Variants in MBNL2 observed in about 807,000 individuals in gnomAD.
The protein encoded by MBNL2 is muscleblind-like protein 2.
Under a neutral mutation model 41.9 loss-of-function variants are expected in MBNL2, and 17 were observed. The ratio of observed to expected loss-of-function variants is 0.41; its 90% CI spans 0.28 to 0.61. The LOEUF is 0.61. Among genes scored for constraint, MBNL2 ranks in the 20% least tolerant of loss-of-function variants. MBNL2 has a pLI of 0.35. For synonymous variants in MBNL2, 195 were observed against 182.9 expected (o/e 1.07, Z -0.53); for missense variants, 336 against 505.6 (o/e 0.66, Z 3.22).
At position 97,331,173 on chromosome 13, in the gene MBNL2, T is replaced by C. The variant is rs370160619; in HGVS notation, c.175-3103T>C. Among the ~76,000 whole-genome samples, 5 of 152,376 alleles carry C rather than the reference T, an allele frequency of 3.3e-5. No homozygotes were observed. The East Asian group carries it at 9.6e-4, about 29-fold the overall frequency. ...ATAGAAACATTTATCTTTCTTTTGATAATAACATTTACTCAGTGCTTACTA... is the reference window on the plus strand; with the variant it reads ...ATAGAAACATTTATCTTTCTTTTGACAATAACATTTACTCAGTGCTTACTA... On this transcript the variant is annotated intron_variant, in intron 2 of 8. Coordinates refer to ENST00000679496, the MANE Select transcript of MBNL2 (RefSeq NM_001382683.1).
intron 2 of MBNL2, among the ~76,000 whole-genome samples, chr13:97,303,123 C>A (rs1308072440): frequency 6.6e-6 from 1 of 152,260 alleles, no homozygotes; most frequent in South Asian, 2.1e-4. Context: ...GGAGGAATCA[C>A]GAAACCTTTC....
At chr13:97,178,482 AT>A in the MBNL2 span, among the ~76,000 whole-genome samples, 1 of 152,248 alleles carries the variant, frequency 6.6e-6, no homozygotes, top group African/African-American at 2.4e-5. Context: ...TTATACAACC[AT>A]TTTGGGAAAA....
chr13:97,387,899 C>T (rs763271988), intron 8 of MBNL2, among the ~76,000 whole-genome samples: 1 of 152,064 alleles, frequency 6.6e-6, no homozygotes, highest in Non-Finnish European at 1.5e-5. Context: ...TGGCAGGAGA[C>T]CCCCAATGTG....
chr13:97,349,728 G>A (rs1283865832), intron 5 of MBNL2, among the ~76,000 whole-genome samples: 1 of 152,054 alleles, frequency 6.6e-6, no homozygotes, highest in Non-Finnish European at 1.5e-5. Flanking sequence ...ACTCAGGAAC[G>A]CCTGGGTTCA....
intron 2 of MBNL2, among the ~76,000 whole-genome samples, chr13:97,322,243 CA>C (rs2059564316): frequency 6.6e-6 from 1 of 152,168 alleles, no homozygotes; most frequent in East Asian, 1.9e-4. Flanking sequence ...ATGCCCACGC[CA>C]TGGTGCAAGC....
chr13:97,343,292 A>G (rs1006750193), intron 4 of MBNL2, 76 bp downstream of exon 4: 4 of 1,114,972 alleles, frequency 3.6e-6, no homozygotes, highest in Admixed American at 2.2e-5. Flanking sequence ...TGCTTGTAAG[A>G]TATTAATTCA....
intron 2 of MBNL2, among the ~76,000 whole-genome samples, chr13:97,283,245 G>GA (rs56294435): frequency 0.58 from 87,786 of 151,874 alleles, 26,383 homozygotes; most frequent in East Asian, 0.7. Flanking sequence ...CATCAGCTCT[G>GA]AAAGCTTATC....
At chr13:97,184,406 C>G in the MBNL2 span, among the ~76,000 whole-genome samples, 27 of 152,178 alleles carry the variant, frequency 1.8e-4, 1 homozygote, top group African/African-American at 6.3e-4. Flanking sequence ...TTGCTCTCAT[C>G]TTTCCTCCCT....
chr13:97,150,957 A>G, the MBNL2 span, among the ~76,000 whole-genome samples: 2 of 152,178 alleles, frequency 1.3e-5, no homozygotes, highest in Non-Finnish European at 2.9e-5. Flanking sequence ...TTTTGGATAG[A>G]AAAGGCAGAT....
chr13:97,156,965 G>A, the MBNL2 span, among the ~76,000 whole-genome samples: 13 of 151,200 alleles, frequency 8.6e-5, no homozygotes, highest in Admixed American at 4.0e-4. Flanking sequence ...ATGGCATTGA[G>A]TCTGTAAATT....
the MBNL2 span, among the ~76,000 whole-genome samples, chr13:97,164,152 G>A: frequency 6.6e-6 from 1 of 152,124 alleles, no homozygotes; most frequent in Non-Finnish European, 1.5e-5. Flanking sequence ...GACTATAGGT[G>A]TGCACCACCA....
rs192289956 is a variant in MBNL2, at chr13:97,292,966, G to A, written c.174+16557G>A. 2.0e-5 allele frequency among the ~76,000 whole-genome samples: 3 copies of A among 151,772 alleles called. No individual in the cohort carries two copies. In the East Asian group the frequency reaches 5.8e-4, roughly 29 times the overall value. Reference sequence around the variant, plus strand: ...TATTTTTTAAATTAAATTTGCCAGAGGTGTGTCTGTTTTATTTGAAGAACC... The same window carrying A: ...TATTTTTTAAATTAAATTTGCCAGAAGTGTGTCTGTTTTATTTGAAGAACC... On this transcript the variant is annotated intron_variant, in intron 2 of 8. Coordinates refer to ENST00000679496, the MANE Select transcript of MBNL2 (RefSeq NM_001382683.1).
At chr13:97,227,681 G>A (rs909151637) in intron 1 of MBNL2, among the ~76,000 whole-genome samples, 2 of 152,160 alleles carry the variant, frequency 1.3e-5, no homozygotes, top group African/African-American at 4.8e-5. Flanking sequence ...GCAGCTAATT[G>A]ACTTGAATTT....
At chr13:97,349,547 A>G (rs2062229092) in intron 5 of MBNL2, among the ~76,000 whole-genome samples, 1 of 152,194 alleles carries the variant, frequency 6.6e-6, no homozygotes, top group South Asian at 2.1e-4. Context: ...TTTTTGAGAC[A>G]GAGTCTTGCT....
At chr13:97,213,489 C>T in the MBNL2 span, among the ~76,000 whole-genome samples, 1 of 152,174 alleles carries the variant, frequency 6.6e-6, no homozygotes, top group East Asian at 1.9e-4. Context: ...AGAATCAAGG[C>T]TCTGAGAGGT....
Position 97,334,153 on chromosome 13 carries a change from CACA to C in MBNL2, c.175-122_175-120del. 5 of 676,106 alleles carry C rather than the reference CACA, an allele frequency of 7.4e-6. No individual in the cohort carries two copies. Among genetic ancestry groups the C allele is most frequent in the Non-Finnish European group, 1.2e-5 (5 of 403,934 alleles). 41.9% of individuals were successfully genotyped at this position (676,106 alleles called of 1,614,324 possible). Reference sequence around the variant, plus strand: ...ATGAGCATGCGCGCGCACACCCACACACACACACACACACACACACACAGGATC... The same window carrying C: ...ATGAGCATGCGCGCGCACACCCACACCACACACACACACACACACAGGATC... On this transcript the variant is annotated intron_variant, in intron 2 of 8. Coordinates refer to ENST00000679496, the MANE Select transcript of MBNL2 (RefSeq NM_001382683.1). This position sits in a 1 kb window ranked among gnomAD's most constrained non-coding sequence, Gnocchi z 5.3.
upstream of MBNL2, among the ~76,000 whole-genome samples, chr13:97,216,738 G>A (rs890379516): frequency 2.6e-5 from 4 of 152,142 alleles, no homozygotes; most frequent in Middle Eastern, 3.4e-3. Context: ...GCTAACTTTG[G>A]TATGCCCAGC....
chr13:97,256,601 A>G (rs908784091), intron 1 of MBNL2, among the ~76,000 whole-genome samples: 1 of 152,196 alleles, frequency 6.6e-6, no homozygotes, highest in African/African-American at 2.4e-5. Context: ...TAATGTTGCA[A>G]TCTTCTTACC....
intron 4 of MBNL2, among the ~76,000 whole-genome samples, chr13:97,345,090 G>GAAAC (rs1299954794): frequency 1.3e-5 from 2 of 152,326 alleles, no homozygotes; most frequent in East Asian, 3.9e-4. Context: ...AAAGTAGGAG[G>GAAAC]AAACAATTAA....
Sources: gnomAD v4.1 joint callset for allele counts (sites outside exome capture counted in the v4.1 genomes callset) on GRCh38, gnomAD v4.1.1 for gene constraint, Gnocchi (gnomAD v3.1) non-coding constraint, MANE v1.5 for transcripts, NCBI Gene and HGNC (gene_info 2026-07-23, HGNC 2026-07-21) for gene names.